Variants in SENP7 observed in about 807,000 individuals in gnomAD.
The protein encoded by SENP7 is sentrin-specific protease 7.
SENP7 carries 64 observed loss-of-function variants against 141.2 expected under a neutral mutation model. That is an observed-to-expected ratio of 0.45 (90% confidence interval 0.37 to 0.56). SENP7 has a LOEUF of 0.56. SENP7 is among the 20% of genes least tolerant of loss of function. The pLI, the probability that SENP7 is intolerant of heterozygous loss-of-function variation, is 0.00. For synonymous variants in SENP7, 382 were observed against 426.4 expected, an observed-to-expected ratio of 0.90 and a Z score of 1.28; for missense variants, 1,025 against 1,212.2, an observed-to-expected ratio of 0.85 and a Z score of 2.29.
intron 3 of SENP7, among the ~76,000 whole-genome samples, chr3:101,465,944 A>AT (rs2063743969): frequency 1.3e-5 from 2 of 152,310 alleles, no homozygotes; most frequent in South Asian, 4.1e-4. Flanking sequence ...ACAAAGATTG[A>AT]TATCATTTAA....
chr3:101,437,988 T>C (rs1396794630), intron 4 of SENP7, among the ~76,000 whole-genome samples: 1 of 151,310 alleles, frequency 6.6e-6, no homozygotes, highest in Non-Finnish European at 1.5e-5. Flanking sequence ...GGAAATTTAC[T>C]CACTGCTAGC....
At chr3:101,380,445 C>CCCACCCA (rs58844573) in intron 6 of SENP7, among the ~76,000 whole-genome samples, 2 of 128,824 alleles carry the variant, frequency 1.6e-5, no homozygotes, top group Admixed American at 8.0e-5. Flanking sequence ...GCCCCCCCCC[C>CCCACCCA]CACACACACA....
At chr3:101,463,377 A>ATATG (rs1559864987) in intron 3 of SENP7, among the ~76,000 whole-genome samples, 44 of 87,404 alleles carry the variant, frequency 5.0e-4, no homozygotes, top group South Asian at 2.1e-3. Context: ...ATATATATAT[A>ATATG]TATATATATA....
chr3:101,508,885 T>C (rs1375528910), intron 1 of SENP7, among the ~76,000 whole-genome samples: 1 of 152,206 alleles, frequency 6.6e-6, no homozygotes. Flanking sequence ...GAGTACTTAA[T>C]ATATATTCAT....
Position 101,457,417 on chromosome 3 carries a change from TG to T in SENP7, c.284+1537del, listed in dbSNP as rs2063389488. ...TCTACACCAAGCTGGTTTAAGATGT[TG>T]GGTAGCATTTCTGTCAGCTGCTTTG... is the stretch of plus-strand genomic sequence containing the variant. On this transcript the variant is annotated intron_variant, in intron 4 of 23. Transcript: ENST00000394095. 4 of 1,544,880 alleles carry T rather than the reference TG, an allele frequency of 2.6e-6. No individual in the cohort carries two copies. The East Asian group carries it at 9.0e-5, about 35-fold the overall frequency.
intron 11 of SENP7, among the ~76,000 whole-genome samples, chr3:101,353,113 T>C (rs1280404581): frequency 4.6e-5 from 7 of 152,018 alleles, no homozygotes; most frequent in Admixed American, 3.9e-4. Context: ...CATAATTTAA[T>C]CAAATATCTA....
chr3:101,361,510 G>T (rs1327260075), intron 11 of SENP7, among the ~76,000 whole-genome samples: 1 of 151,894 alleles, frequency 6.6e-6, no homozygotes, highest in Non-Finnish European at 1.5e-5. Flanking sequence ...ATTTTCATTA[G>T]AGTAGTCAGA....
chr3:101,408,178 T>C (rs959247248), intron 5 of SENP7, among the ~76,000 whole-genome samples: 2 of 151,980 alleles, frequency 1.3e-5, no homozygotes, highest in African/African-American at 4.8e-5. Context: ...CTAGAAAACC[T>C]AGAAGAGAAG....
chr3:101,334,389 C>G (rs1160064137), intron 17 of SENP7, among the ~76,000 whole-genome samples: 1 of 152,046 alleles, frequency 6.6e-6, no homozygotes, highest in South Asian at 2.1e-4. Context: ...CTGGCTCAGT[C>G]CCTTGGATGG....
intron 4 of SENP7, among the ~76,000 whole-genome samples, chr3:101,448,993 A>G (rs2063008704): frequency 6.6e-6 from 1 of 152,200 alleles, no homozygotes. Flanking sequence ...AATTAGACGA[A>G]TGGCTAACTA....
chr3:101,429,871 C>A (rs111919221), intron 4 of SENP7, among the ~76,000 whole-genome samples: 1 of 152,054 alleles, frequency 6.6e-6, no homozygotes, highest in African/African-American at 2.4e-5. Flanking sequence ...TCCATCGATA[C>A]CTAGTTTACT....
intron 22 of SENP7, 104 bp from the exon 23 acceptor site, chr3:101,327,920 C>T: frequency 1.1e-6 from 1 of 919,132 alleles, no homozygotes; most frequent in Non-Finnish European, 1.6e-6. Flanking sequence ...TGTGCTGTCT[C>T]AAGCCAAATT....
At chr3:101,444,069 A>T (rs1416560152) in intron 4 of SENP7, among the ~76,000 whole-genome samples, 1 of 139,648 alleles carries the variant, frequency 7.2e-6, no homozygotes, top group African/African-American at 2.6e-5. Context: ...ACCCCATCAA[A>T]AAGTGGGTGA....
intron 5 of SENP7, among the ~76,000 whole-genome samples, chr3:101,411,754 C>T (rs1340598701): frequency 6.6e-6 from 1 of 152,202 alleles, no homozygotes; most frequent in East Asian, 1.9e-4. Context: ...TGTCATTTCA[C>T]ACATTTACCC....
chr3:101,498,171 A>C (rs965049841), intron 2 of SENP7, among the ~76,000 whole-genome samples: 4 of 152,246 alleles, frequency 2.6e-5, no homozygotes, highest in African/African-American at 9.6e-5. Flanking sequence ...CCACATATAT[A>C]AATTTGGAGG....
At position 101,506,018 on chromosome 3, in the gene SENP7, TAA is replaced by T. The variant is rs1491486956; in HGVS notation, c.41-4901_41-4900del. Among the ~76,000 whole-genome samples, 37 of 128,742 alleles carry T rather than the reference TAA, an allele frequency of 2.9e-4. 1 individual carries two copies. The South Asian group carries it at 3.3e-3, about 12-fold the overall frequency. 84.5% of individuals were successfully genotyped at this position (128,742 alleles called of 152,430 possible). On this transcript the variant is annotated intron_variant, in intron 1 of 23. Transcript: ENST00000394095. The stretch of plus-strand genomic sequence containing the variant: ...CCCACTCATTCACTTATTTATTCCA[TAA>T]TTTTTTTTTTTTTTTTTTGAGACGG...
At position 101,330,371 on chromosome 3, in the gene SENP7, G is replaced by C; in HGVS notation, c.2714C>G (p.Thr905Ser). ...TGCACTCAAAGACAGTGTCGAAGTA[G>C]TACGTAGATCATTATCTAGTTAGAA... The part of the protein sequence containing the change: ...DNKTIDNDLR[T>S]TSTLSLSAED... The change falls in exon 20 of 24, where the codon ACT becomes AGT. Residue 905 changes from threonine (T) to serine (S), a missense_variant. Coordinates refer to ENST00000394095, the MANE Select transcript of SENP7 (RefSeq NM_020654.5). 1.2e-6 allele frequency: 2 copies of C among 1,606,660 alleles called. No homozygotes were observed. The highest frequency in any genetic ancestry group is 1.7e-6 in the Non-Finnish European group (2 of 1,173,912).
intron 4 of SENP7, among the ~76,000 whole-genome samples, chr3:101,438,821 G>T (rs888681133): frequency 9.9e-5 from 15 of 152,108 alleles, no homozygotes; most frequent in South Asian, 2.1e-4. Context: ...GGTCTTTGCC[G>T]CCGCGCCGGC....
At position 101,426,764 on chromosome 3, in the gene SENP7, G is replaced by A. The variant is rs191452961; in HGVS notation, c.285-8974C>T. ...CCCAAAGTGCTGGGATTACAGGCAT[G>A]AGCCATGGCACCCAGCCTAAGAAGA... On this transcript the variant is annotated intron_variant, in intron 4 of 23. Transcript: ENST00000394095. 1.7e-3 allele frequency among the ~76,000 whole-genome samples: 255 copies of A among 152,286 alleles called. 2 individuals carry two copies. The highest frequency in any genetic ancestry group is 0.01 in the Middle Eastern group (3 of 294).
Sources: allele counts gnomAD v4.1 joint callset (sites outside exome capture counted in the v4.1 genomes callset), GRCh38; gene constraint gnomAD v4.1.1; transcripts MANE v1.5; gene names NCBI Gene and HGNC (gene_info 2026-07-23, HGNC 2026-07-21).